Variants in RAB3D observed in about 807,000 individuals in gnomAD.
The protein encoded by RAB3D is ras-related protein Rab-3D.
Under a neutral mutation model 19.3 loss-of-function variants are expected in RAB3D, and 17 were observed. The ratio of observed to expected loss-of-function variants is 0.88; its 90% CI spans 0.60 to 1.32. The LOEUF (loss-of-function observed/expected upper bound fraction) is 1.32, where lower values mean the gene tolerates loss of function less well. Ranked by LOEUF, RAB3D falls within the 40% of genes most tolerant of loss-of-function variation. The pLI is 0.00. For missense variants in RAB3D, 223 were observed against 299.1 expected (o/e 0.75, Z 1.88); for synonymous variants, 103 against 119.9 (o/e 0.86, Z 0.92).
intron 4 of RAB3D, 120 bp downstream of exon 4, chr19:11,335,327 G>A: frequency 7.2e-7 from 1 of 1,397,614 alleles, no homozygotes; most frequent in South Asian, 1.3e-5. Context: ...GCATACACAT[G>A]GGTATCTTCC....
rs2080807236 is a variant in RAB3D at position 11,325,515 on chromosome 19, A to G, written c.543T>C (p.Asp181=). ...ACTCGTTCATCTTCTCGCAGATGAC[A>G]TCCACCAGGCGCTCGAAGACCTGCT... is the stretch of plus-strand genomic sequence containing the variant. ...NVKQVFERLV[D]VICEKMNESL... is the part of the protein sequence containing the mutation. The change falls in exon 5 of 5, where the codon GAT becomes GAC. Residue 181 remains aspartate (D), a synonymous_variant. Coordinates refer to ENST00000222120, the MANE Select transcript of RAB3D (RefSeq NM_004283.4). 2 of 1,613,790 alleles carry G rather than the reference A, an allele frequency of 1.2e-6. No homozygotes were observed. Among genetic ancestry groups the G allele is most frequent in the Non-Finnish European group, 8.5e-7 (1 of 1,180,002 alleles).
At position 11,322,379 on chromosome 19, in the gene RAB3D, C is replaced by T. The variant is rs981123784; in HGVS notation, c.*3019G>A. On this transcript the variant is annotated 3_prime_UTR_variant, in exon 5 of 5. Coordinates refer to ENST00000222120, the MANE Select transcript of RAB3D (RefSeq NM_004283.4). Reference sequence around the variant, plus strand: ...GAAAAAAAAAAAGCAGAACTCCAAACCCCTGTGGTCATGGCAATTTCCCAT... The same window carrying T: ...GAAAAAAAAAAAGCAGAACTCCAAATCCCTGTGGTCATGGCAATTTCCCAT... 3 of 151,984 alleles carry T rather than the reference C, an allele frequency of 2.0e-5. No individual in the cohort carries two copies. Among genetic ancestry groups the T allele is most frequent in the African/African-American group, 7.2e-5 (3 of 41,392 alleles). 9.4% of individuals were successfully genotyped at this position (151,984 alleles called of 1,614,324 possible). A position where few individuals can be genotyped will look rare whatever the true frequency, so the allele number is the denominator to read the frequency against.
At chr19:11,330,203 G>A (rs1194087254) in intron 4 of RAB3D, among the ~76,000 whole-genome samples, 3 of 152,182 alleles carry the variant, frequency 2.0e-5, no homozygotes, top group African/African-American at 4.8e-5. Context: ...AAGAATAAAA[G>A]GGGAAAGGGA....
In RAB3D at chr19:11,325,299, G is replaced by C. The variant is rs1047868283; in HGVS notation, c.*99C>G. ...TCGGGGAGCAGTTGACAGGAGGGAA[G>C]GGATTGCCCTGAGCTTGGAGATAAC... is the stretch of plus-strand genomic sequence containing the variant. On this transcript the variant is annotated 3_prime_UTR_variant, in exon 5 of 5. Transcript: ENST00000222120. 6.7e-6 allele frequency: 5 copies of C among 742,108 alleles called. No individual in the cohort carries two copies. Among genetic ancestry groups the C allele is most frequent in the Non-Finnish European group, 8.7e-6 (4 of 460,068 alleles). The allele number at this position is 742,108 out of a possible 1,614,324, so 46.0% of individuals were successfully genotyped here. A position where few individuals can be genotyped will look rare whatever the true frequency, so the allele number is the denominator to read the frequency against.
intron 4 of RAB3D, among the ~76,000 whole-genome samples, chr19:11,326,327 G>C (rs1291081679): frequency 6.6e-6 from 1 of 152,138 alleles, no homozygotes; most frequent in East Asian, 1.9e-4. Context: ...GCAGCAGTGA[G>C]CCATGATCAC....
At position 11,324,992 on chromosome 19, in the gene RAB3D, CA is replaced by C. The variant is rs1454267372; in HGVS notation, c.*405del. On this transcript the variant is annotated 3_prime_UTR_variant, in exon 5 of 5. Coordinates refer to ENST00000222120, the MANE Select transcript of RAB3D (RefSeq NM_004283.4). ...TGTGCGAGGAAGATGAACCATCTTC[CA>C]CCAGCTTGGGAATATCAGTCCTGCC... 1 of 158,040 alleles carries C rather than the reference CA, an allele frequency of 6.3e-6. No individual in the cohort carries two copies. Among genetic ancestry groups the C allele is most frequent in the Non-Finnish European group, 1.4e-5 (1 of 71,274 alleles). 9.8% of individuals were successfully genotyped at this position (158,040 alleles called of 1,614,324 possible). A position where few individuals can be genotyped will look rare whatever the true frequency, so the allele number is the denominator to read the frequency against.
chr19:11,336,552 C>T (rs1474641934), intron 2 of RAB3D, among the ~76,000 whole-genome samples: 8 of 152,026 alleles, frequency 5.3e-5, no homozygotes, highest in Admixed American at 5.2e-4. Context: ...TCAAGTGATG[C>T]TCCACCTCAG....
Position 11,335,790 on chromosome 19 carries a change from A to G in RAB3D, c.229-7T>C, listed in dbSNP as rs775886158. On this transcript the variant is annotated splice_region_variant and splice_polypyrimidine_tract_variant and intron_variant, in intron 2 of 4. Coordinates refer to ENST00000222120, the MANE Select transcript of RAB3D (RefSeq NM_004283.4). ...GCTCCTGGCCCGCTGTGTCCTGGAC[A>G]AATGGCAGTGGCAGTTGGCTGGGAA... 55 of 1,612,868 alleles carry G rather than the reference A, an allele frequency of 3.4e-5. No individual in the cohort carries two copies. The highest frequency in any genetic ancestry group is 4.6e-5 in the Non-Finnish European group (54 of 1,178,974).
chr19:11,326,026 G>A (rs997300324), intron 4 of RAB3D, among the ~76,000 whole-genome samples: 7 of 152,146 alleles, frequency 4.6e-5, no homozygotes, highest in African/African-American at 1.2e-4. Context: ...TTCAAGACCC[G>A]CCTGACCAAC....
intron 2 of RAB3D, among the ~76,000 whole-genome samples, chr19:11,336,176 G>T (rs977695661): frequency 6.6e-6 from 1 of 152,186 alleles, no homozygotes; most frequent in Non-Finnish European, 1.5e-5. Flanking sequence ...TGTTACCAGC[G>T]GCTAAGTTGG....
At chr19:11,337,133 G>A (rs1221139409) in intron 2 of RAB3D, 39 bp downstream of exon 2, 1 of 1,565,698 alleles carries the variant, frequency 6.4e-7, no homozygotes, top group Non-Finnish European at 8.8e-7. Flanking sequence ...TTTCCTGGAG[G>A]GACCCCACCC....
intron 2 of RAB3D, 94 bp from the exon 3 acceptor site, chr19:11,335,877 C>T (rs316505): frequency 0.047 from 54,646 of 1,163,434 alleles, 3,696 homozygotes; most frequent in African/African-American, 0.3. Context: ...ATAGCCCCAG[C>T]CTTACGGGGG....
At chr19:11,338,644 C>T (rs1966920234) in intron 1 of RAB3D, among the ~76,000 whole-genome samples, 1 of 152,132 alleles carries the variant, frequency 6.6e-6, no homozygotes. Flanking sequence ...TCCTTCTGCC[C>T]AAGGCTGACT....
At position 11,323,303 on chromosome 19, in the gene RAB3D, G is replaced by T. The variant is rs2080791870; in HGVS notation, c.*2095C>A. Reference sequence around the variant, plus strand: ...AGTCATCTAATTTGTTGGTATAAAAGATACCCTCGGCTGGGCGTGATGGCT... The same window carrying T: ...AGTCATCTAATTTGTTGGTATAAAATATACCCTCGGCTGGGCGTGATGGCT... On this transcript the variant is annotated 3_prime_UTR_variant, in exon 5 of 5. Coordinates refer to ENST00000222120, the MANE Select transcript of RAB3D (RefSeq NM_004283.4). 3 of 152,234 alleles carry T rather than the reference G, an allele frequency of 2.0e-5. No homozygotes were observed. The South Asian group carries it at 6.2e-4, about 32-fold the overall frequency. The allele number at this position is 152,234 out of a possible 1,614,324, so 9.4% of individuals were successfully genotyped here.
chr19:11,339,195 C>A (rs1263863726), intron 1 of RAB3D, among the ~76,000 whole-genome samples: 1 of 152,214 alleles, frequency 6.6e-6, no homozygotes, highest in Non-Finnish European at 1.5e-5. Context: ...AACCATCTGC[C>A]GACCCTCCCT....
intron 4 of RAB3D, among the ~76,000 whole-genome samples, chr19:11,334,185 C>G (rs532673087): frequency 1.3e-5 from 2 of 152,000 alleles, no homozygotes; most frequent in Non-Finnish European, 2.9e-5. Context: ...TTTGCTAGAA[C>G]AAAACAGCCA....
rs1376848674 is a variant in RAB3D, at chr19:11,335,535, G to A, written c.384C>T (p.Ala128=). The change falls in exon 4 of 5, where the codon GCC becomes GCT. Residue 128 remains alanine, a synonymous_variant. Transcript: ENST00000222120. ...TQIKTYSWDN[A]QVILVGNKCD... Reference sequence around the variant, plus strand: ...ACTTGTTCCCCACCAGGATGACCTGGGCGTTGTCCCAGGAGTAGGTCTTGA... The same window carrying A: ...ACTTGTTCCCCACCAGGATGACCTGAGCGTTGTCCCAGGAGTAGGTCTTGA... 1.9e-6 allele frequency: 3 copies of A among 1,614,062 alleles called. No homozygotes were observed. The highest frequency in any genetic ancestry group is 8.5e-7 in the Non-Finnish European group (1 of 1,180,032).
At chr19:11,329,857 T>G (rs903403543) in intron 4 of RAB3D, among the ~76,000 whole-genome samples, 1 of 152,022 alleles carries the variant, frequency 6.6e-6, no homozygotes. Flanking sequence ...AATTTTTGTA[T>G]TTTTGGTAGA....
In RAB3D at chr19:11,335,775, C is replaced by T. The variant is rs558671633; in HGVS notation, c.237G>A (p.Ala79=). 1.3e-4 allele frequency: 217 copies of T among 1,614,082 alleles called. 1 individual carries two copies. The South Asian group carries it at 1.7e-3, about 12-fold the overall frequency. Residue 79 remains alanine, a synonymous_variant, in exon 3 of 5, where the codon GCG becomes GCA. Transcript: ENST00000222120. ...TGATGGTGCGGTAGCGCTCCTGGCC[C>T]GCTGTGTCCTGGACAAATGGCAGTG... ...KRIKLQIWDT[A]GQERYRTITT...
Sources: allele counts gnomAD v4.1 joint callset (sites outside exome capture counted in the v4.1 genomes callset), GRCh38; gene constraint gnomAD v4.1.1; transcripts MANE v1.5; gene names NCBI Gene and HGNC (gene_info 2026-07-23, HGNC 2026-07-21).